Variants in PRKD2 observed in about 807,000 individuals in gnomAD.
PRKD2 encodes serine/threonine-protein kinase D2.
A neutral mutation model predicts 86.0 loss-of-function variants in PRKD2; 22 were observed. The observed-to-expected ratio is 0.26, with a 90% CI of 0.18 to 0.37. PRKD2 has a LOEUF of 0.37. Among genes scored for constraint, PRKD2 ranks in the 10% least tolerant of loss-of-function variants. PRKD2 has a pLI of 1.00. For synonymous variants in PRKD2, 509 were observed against 510.9 expected (o/e 1.00, Z 0.05); for missense variants, 818 against 1,199.2 (o/e 0.68, Z 4.70).
intron 3 of PRKD2, 136 bp downstream of exon 3, chr19:46,710,771 T>G (rs1001058383): frequency 1.5e-5 from 15 of 1,009,072 alleles, no homozygotes; most frequent in South Asian, 5.3e-5. Flanking sequence ...TTCTTCCCAT[T>G]ATTACTTCCT....
Position 46,691,715 on chromosome 19 carries a change from T to A in PRKD2, c.1702+20A>T. Reference sequence around the variant, plus strand: ...CCCCAGCCCGGGGCTCCCTCTGGGTTAGCTCTGAAGTGTCCTCACCTCCAT... The same window carrying A: ...CCCCAGCCCGGGGCTCCCTCTGGGTAAGCTCTGAAGTGTCCTCACCTCCAT... On this transcript the variant is annotated intron_variant, in intron 12 of 17. Transcript: ENST00000291281. The A allele has an allele frequency of 6.2e-7, 1 of 1,611,680 alleles. No homozygotes were observed. The highest frequency in any genetic ancestry group is 8.5e-7 in the Non-Finnish European group (1 of 1,179,500).
At chr19:46,687,299 G>A (rs1244442554) in intron 14 of PRKD2, among the ~76,000 whole-genome samples, 2 of 152,174 alleles carry the variant, frequency 1.3e-5, no homozygotes, top group African/African-American at 2.4e-5. Context: ...GGCTGAGGCA[G>A]GAGAATTGCT....
chr19:46,681,395 T>C (rs1238139716), intron 15 of PRKD2, among the ~76,000 whole-genome samples: 2 of 151,518 alleles, frequency 1.3e-5, no homozygotes, highest in African/African-American at 4.9e-5. Flanking sequence ...GCTAGGACTA[T>C]AGGCGCACGC....
chr19:46,690,232 A>C (rs1277886134), intron 13 of PRKD2, among the ~76,000 whole-genome samples: 1 of 151,988 alleles, frequency 6.6e-6, no homozygotes, highest in African/African-American at 2.4e-5. Context: ...TCCTGGCTAC[A>C]ATCACTTCCC....
rs1322433197 is a variant in PRKD2 at position 46,716,058 on chromosome 19, C to T, written c.240+73G>A. The T allele has an allele frequency of 9.5e-6, 15 of 1,575,552 alleles. No homozygotes were observed. The highest frequency in any genetic ancestry group is 1.3e-5 in the Non-Finnish European group (15 of 1,161,928). On this transcript the variant is annotated intron_variant, in intron 1 of 17. Coordinates refer to ENST00000291281, the MANE Select transcript of PRKD2 (RefSeq NM_016457.5). The surrounding 1 kb of genome is among the most constrained non-coding windows in gnomAD (Gnocchi z 7.9). ...CTTCCTCCCTCTTCCGCACACCAGG[C>T]CCCAGACCCCTCTGCCAGCGCCCCC... is the stretch of plus-strand genomic sequence containing the variant.
chr19:46,712,743 G>A (rs552044860), intron 2 of PRKD2, among the ~76,000 whole-genome samples: 3 of 152,238 alleles, frequency 2.0e-5, no homozygotes, highest in East Asian at 1.9e-4. Flanking sequence ...GCAGTATGCC[G>A]GAGCAGCAGG....
chr19:46,695,350 T>C (rs1485826766), intron 9 of PRKD2, among the ~76,000 whole-genome samples: 4 of 152,216 alleles, frequency 2.6e-5, no homozygotes, highest in Non-Finnish European at 5.9e-5. Flanking sequence ...CCAGGCGTGG[T>C]GGCACACCTA....
chr19:46,688,767 A>G (rs1383765146), intron 14 of PRKD2: 1 of 151,748 alleles, frequency 6.6e-6, no homozygotes, highest in African/African-American at 2.4e-5. Flanking sequence ...TATTGTCACT[A>G]TTATTTTTCT....
intron 5 of PRKD2, among the ~76,000 whole-genome samples, chr19:46,701,485 G>C (rs2053634336): frequency 6.6e-6 from 1 of 151,566 alleles, no homozygotes; most frequent in Non-Finnish European, 1.5e-5. Flanking sequence ...GCTGGGCGTG[G>C]GACTACAGGC....
In PRKD2 at chr19:46,693,821, G is replaced by A. The variant is rs1472471870; in HGVS notation, c.1576+54C>T. On this transcript the variant is annotated intron_variant, in intron 10 of 17. Transcript: ENST00000291281. This position sits in a 1 kb window ranked among gnomAD's most constrained non-coding sequence, Gnocchi z 4.5. ...TTTGGCCCTTCCATTCCCCAGAACC[G>A]TGCCCCACCCATCTAGATCTATTCT... 3 of 1,534,508 alleles carry A rather than the reference G, an allele frequency of 2.0e-6. No homozygotes were observed. Among genetic ancestry groups the A allele is most frequent in the Admixed American group, 1.9e-5 (1 of 53,572 alleles).
chr19:46,699,568 A>G (rs1227275453), intron 7 of PRKD2, among the ~76,000 whole-genome samples: 2 of 152,212 alleles, frequency 1.3e-5, no homozygotes, highest in Non-Finnish European at 2.9e-5. Flanking sequence ...GGAAGCGCCT[A>G]GCAAGTGAAG....
At chr19:46,689,458 G>C in intron 14 of PRKD2, 79 bp downstream of exon 14, 1 of 1,471,168 alleles carries the variant, frequency 6.8e-7, no homozygotes, top group Non-Finnish European at 9.1e-7. Context: ...GTGTCTGCTT[G>C]ACCCCCTAGG....
chr19:46,690,872 C>G (rs532604425), intron 12 of PRKD2, among the ~76,000 whole-genome samples, 166 bp from the exon 13 acceptor site: 4 of 152,196 alleles, frequency 2.6e-5, no homozygotes, highest in African/African-American at 9.6e-5. Flanking sequence ...TGAGGTGCAC[C>G]TTGGGAGTAA....
At chr19:46,709,206 C>A (rs1387257969) in intron 3 of PRKD2, 2 of 156,618 alleles carry the variant, frequency 1.3e-5, no homozygotes, top group Admixed American at 1.3e-4. Flanking sequence ...AATCTCTTGA[C>A]CTCATGATCC....
chr19:46,696,846 G>A (rs929116042), intron 9 of PRKD2, among the ~76,000 whole-genome samples: 1 of 152,204 alleles, frequency 6.6e-6, no homozygotes, highest in Non-Finnish European at 1.5e-5. Context: ...AAGCCAATTG[G>A]TTTAGTGGAT....
chr19:46,674,433 G>C lies in PRKD2; in HGVS notation c.*90C>G, dbSNP rs1044309553. 7.1e-7 allele frequency: 1 copy of C among 1,399,304 alleles called. No individual in the cohort carries two copies. The highest frequency in any genetic ancestry group is 1.4e-5 in the African/African-American group (1 of 69,766). 86.7% of individuals were successfully genotyped at this position (1,399,304 alleles called of 1,614,324 possible). A position where few individuals can be genotyped will look rare whatever the true frequency, so the allele number is the denominator to read the frequency against. On this transcript the variant is annotated 3_prime_UTR_variant, in exon 18 of 18. Coordinates refer to ENST00000291281, the MANE Select transcript of PRKD2 (RefSeq NM_016457.5). The stretch of plus-strand genomic sequence containing the variant: ...TCCCCACGTGTCCCATCCAGTTTGG[G>C]CAGGAAGCCACTTTCCCTAGAACAG...
chr19:46,704,754 A>G, intron 3 of PRKD2, 105 bp from the exon 4 acceptor site: 2 of 1,405,928 alleles, frequency 1.4e-6, no homozygotes, highest in Middle Eastern at 2.3e-4. Flanking sequence ...GTCCTGTCCC[A>G]TCACCCCCCG....
intron 1 of PRKD2, among the ~76,000 whole-genome samples, chr19:46,715,010 C>A (rs572461942): frequency 4.4e-4 from 67 of 152,186 alleles, no homozygotes; most frequent in African/African-American, 1.6e-3. Context: ...TCTCTGATGC[C>A]CAAAGGATTC....
At chr19:46,688,418 CTCTTTAT>C (rs2053431238) in intron 14 of PRKD2, among the ~76,000 whole-genome samples, 1 of 150,130 alleles carries the variant, frequency 6.7e-6, no homozygotes. Flanking sequence ...ATTATGATTA[CTCTTTAT>C]TATTATTATT....
Sources: allele counts gnomAD v4.1 joint callset (sites outside exome capture counted in the v4.1 genomes callset), GRCh38; gene constraint gnomAD v4.1.1; non-coding constraint Gnocchi (gnomAD v3.1); transcripts MANE v1.5; gene names NCBI Gene and HGNC (gene_info 2026-07-23, HGNC 2026-07-21).